PAK3: variants seen among roughly 807,000 people sequenced by gnomAD.
PAK3 encodes the protein p21 (RAC1) activated kinase 3, also known as serine/threonine-protein kinase PAK 3.
Under a neutral mutation model 41.0 loss-of-function variants are expected in PAK3, and 4 were observed. That is an observed-to-expected ratio of 0.10 (90% CI 0.05 to 0.22). The LOEUF (loss-of-function observed/expected upper bound fraction) is 0.22, where lower values mean the gene tolerates loss of function less well. PAK3 is among the 10% of genes least tolerant of loss of function. The pLI is 1.00. For synonymous variants in PAK3, 146 were observed against 139.6 expected, an observed-to-expected ratio of 1.05 and a Z score of -0.32; for missense variants, 205 against 409.9, an observed-to-expected ratio of 0.50 and a Z score of 4.32.
At chrX:111,009,437 G>T (rs922657350) in intron 1 of PAK3, among the ~76,000 whole-genome samples, 1 of 111,680 alleles carries the variant, frequency 9.0e-6, no homozygotes, top group African/African-American at 3.2e-5. Context: ...GCCAGGACAG[G>T]CTTGGCACAC....
chrX:111,133,107 G>C (rs17327273), intron 5 of PAK3, among the ~76,000 whole-genome samples: 4,005 of 111,245 alleles, frequency 0.036, 115 homozygotes, highest in East Asian at 0.23. Context: ...ACCTTTTTTT[G>C]TTGTGTCATT....
chrX:111,005,223 A>G (rs1233138578), intron 1 of PAK3, among the ~76,000 whole-genome samples: 1 of 111,075 alleles, frequency 9.0e-6, no homozygotes, highest in Non-Finnish European at 1.9e-5. Flanking sequence ...AGTGACACAG[A>G]TGTTTGGGTG....
intron 8 of PAK3, among the ~76,000 whole-genome samples, chrX:111,155,684 A>C (rs1037479270): frequency 6.3e-5 from 7 of 111,097 alleles, no homozygotes. Context: ...GTATTTGTTG[A>C]ATGTTAAGTT....
At chrX:111,130,095 A>C (rs2093697659) in intron 5 of PAK3, among the ~76,000 whole-genome samples, 2 of 111,972 alleles carry the variant, frequency 1.8e-5, no homozygotes, top group Admixed American at 1.9e-4. Flanking sequence ...ATGAAAGTGG[A>C]ACCAGTATGT....
Position 111,152,465 on chromosome X carries a change from A to C in PAK3, c.468+18A>C. The C allele has an allele frequency of 9.1e-7, 1 of 1,096,593 alleles. No individual in the cohort carries two copies. Among genetic ancestry groups the C allele is most frequent in the Non-Finnish European group, 1.3e-6 (1 of 791,023 alleles). The allele number at this position is 1,096,593 out of a possible 1,213,427, so 90.4% of individuals were successfully genotyped here. ...ATCCTTCGGTAAGTGAAAAATTGAA[A>C]ACTGTTTCACATGATTGGTGTTTCC... On this transcript the variant is annotated intron_variant, in intron 8 of 17. Coordinates refer to ENST00000372007, the MANE Select transcript of PAK3 (RefSeq NM_002578.5).
chrX:111,082,954 G>T lies in PAK3; in HGVS notation c.-27-40123G>T, dbSNP rs188040480. ...CACAATAGATGTTCGAAAATAAAAG[G>T]TTGTTCATTGCATGAGACATGTTGA... is the stretch of plus-strand genomic sequence containing the variant. On this transcript the variant is annotated intron_variant, in intron 1 of 14. Coordinates refer to the PAK3 transcript ENST00000425146. 2.4e-3 allele frequency among the ~76,000 whole-genome samples: 266 copies of T among 112,096 alleles called. 2 individuals are homozygous for T. The highest frequency in any genetic ancestry group is 7.5e-3 in the African/African-American group (233 of 30,901).
intron 1 of PAK3, among the ~76,000 whole-genome samples, chrX:110,950,427 A>G (rs1161375957): frequency 1.8e-5 from 2 of 111,621 alleles, no homozygotes; most frequent in African/African-American, 6.5e-5. Flanking sequence ...TTTAAATTTT[A>G]CTTTAAGTTC....
At chrX:110,977,026 G>A (rs977525036) in intron 1 of PAK3, among the ~76,000 whole-genome samples, 8 of 110,393 alleles carry the variant, frequency 7.2e-5, no homozygotes, top group African/African-American at 2.3e-4. Context: ...GTTGATGGAG[G>A]CAGCAAACCA....
chrX:111,200,334 C>G (rs2094667934), intron 16 of PAK3, among the ~76,000 whole-genome samples: 1 of 111,882 alleles, frequency 8.9e-6, no homozygotes, highest in Admixed American at 9.5e-5. Context: ...CAGCTTCCTC[C>G]TGGCTCTCTC....
chrX:111,087,096 G>A (rs1933119), intron 1 of PAK3, among the ~76,000 whole-genome samples: 6,624 of 107,131 alleles, frequency 0.062, 189 homozygotes, highest in Middle Eastern at 0.12. Flanking sequence ...GTCAGAATTC[G>A]TTAAATTTTC....
chrX:111,046,124 A>C, intron 1 of PAK3, among the ~76,000 whole-genome samples: 1 of 111,597 alleles, frequency 9.0e-6, no homozygotes, highest in Middle Eastern at 4.6e-3. Flanking sequence ...TGAGGCTGGG[A>C]AAGGCAAGTA....
chrX:111,047,392 G>A (rs2092510219), intron 1 of PAK3, among the ~76,000 whole-genome samples: 1 of 110,630 alleles, frequency 9.0e-6, no homozygotes, highest in South Asian at 3.8e-4. Context: ...CTATATAAAT[G>A]CCAATGGTTT....
chrX:110,965,575 G>A (rs749002478), intron 1 of PAK3, among the ~76,000 whole-genome samples: 4 of 112,171 alleles, frequency 3.6e-5, no homozygotes, highest in Non-Finnish European at 5.6e-5. Flanking sequence ...CCAGCTCCAG[G>A]GTGAGGCAGC....
At chrX:111,171,381 A>C (rs1227270556) in intron 10 of PAK3, among the ~76,000 whole-genome samples, 1 of 110,904 alleles carries the variant, frequency 9.0e-6, no homozygotes, top group Non-Finnish European at 1.9e-5. Flanking sequence ...CCTCCAAATA[A>C]ATGATGCCCT....
chrX:111,106,458 TCAAA>T (rs779759108), intron 4 of PAK3, among the ~76,000 whole-genome samples: 25 of 111,312 alleles, frequency 2.2e-4, no homozygotes, highest in African/African-American at 7.5e-4. Context: ...GTTCAGGAAG[TCAAA>T]CACTCTCCCG....
In PAK3 at chrX:111,130,722, A is replaced by C. The variant is rs569663335; in HGVS notation, c.175+7444A>C. On this transcript the variant is annotated intron_variant, in intron 5 of 17. Coordinates refer to ENST00000372007, the MANE Select transcript of PAK3 (RefSeq NM_002578.5). ...CAGTAGTTATACTTCTAAGGATATCACTCATAAGATGAAAGTGCTAGGTCT... is the reference window on the plus strand; with the variant it reads ...CAGTAGTTATACTTCTAAGGATATCCCTCATAAGATGAAAGTGCTAGGTCT... 1.4e-4 allele frequency among the ~76,000 whole-genome samples: 16 copies of C among 112,029 alleles called. 1 individual carries two copies. In the South Asian group the frequency reaches 6.0e-3, roughly 42 times the overall value.
rs1332679648 is a variant in PAK3, at chrX:111,220,672, A to G, written c.*225A>G. 9.7e-6 allele frequency: 4 copies of G among 411,616 alleles called. No homozygotes were observed. Among genetic ancestry groups the G allele is most frequent in the Non-Finnish European group, 1.7e-5 (4 of 236,291 alleles). 33.9% of individuals were successfully genotyped at this position (411,616 alleles called of 1,213,427 possible). A position where few individuals can be genotyped will look rare whatever the true frequency, so the allele number is the denominator to read the frequency against. On this transcript the variant is annotated 3_prime_UTR_variant, in exon 18 of 18. Coordinates refer to ENST00000372007, the MANE Select transcript of PAK3 (RefSeq NM_002578.5). ...GGGCAGCAATGTTGAAGTGACCATA[A>G]AGTGGTCACTTCCACCGTGAAGCGA...
intron 5 of PAK3, among the ~76,000 whole-genome samples, chrX:111,125,207 C>T (rs1020399567): frequency 2.7e-5 from 3 of 111,728 alleles, no homozygotes; most frequent in African/African-American, 9.8e-5. Context: ...CCCAAAGAGG[C>T]ATTAGATAGT....
At chrX:111,113,610 G>T (rs909705972) in intron 4 of PAK3, among the ~76,000 whole-genome samples, 2 of 111,518 alleles carry the variant, frequency 1.8e-5, no homozygotes, top group Non-Finnish European at 3.8e-5. Context: ...ATTTTTGTCT[G>T]TATATGACAT....
Sources: gnomAD v4.1 joint callset for allele counts (sites outside exome capture counted in the v4.1 genomes callset) on GRCh38, gnomAD v4.1.1 for gene constraint, MANE v1.5 for transcripts, NCBI Gene and HGNC (gene_info 2026-07-23, HGNC 2026-07-21) for gene names.